Variants in CORIN observed in about 807,000 individuals in gnomAD.
CORIN encodes the protein atrial natriuretic peptide-converting enzyme.
In CORIN, 117 loss-of-function variants were observed where a neutral mutation model predicts 125.3. That is an observed-to-expected ratio of 0.93 (90% CI 0.80 to 1.09). CORIN has a LOEUF of 1.09. Ranked by LOEUF, CORIN falls within the 50% of genes least tolerant of loss-of-function variation. CORIN has a pLI of 0.00. For synonymous variants in CORIN, 450 were observed against 466.4 expected (o/e 0.96, Z 0.45); for missense variants, 1,253 against 1,306.7 (o/e 0.96, Z 0.63).
chr4:47,667,161 C>T (rs1201084047), intron 10 of CORIN, among the ~76,000 whole-genome samples: 1 of 152,212 alleles, frequency 6.6e-6, no homozygotes, highest in African/African-American at 2.4e-5. Context: ...TCATTCTTCT[C>T]TTGTCTGCCA....
intron 6 of CORIN, among the ~76,000 whole-genome samples, chr4:47,684,904 G>C (rs973500403): frequency 2.7e-5 from 4 of 149,554 alleles, no homozygotes; most frequent in African/African-American, 9.7e-5. Context: ...AAGGCAGCGG[G>C]AGGTGAGAGG....
chr4:47,752,121 G>A (rs538053111), intron 4 of CORIN, among the ~76,000 whole-genome samples: 6 of 152,116 alleles, frequency 3.9e-5, no homozygotes, highest in African/African-American at 9.6e-5. Context: ...TGTAAGCTTC[G>A]CAGTGAGTTT....
At chr4:47,837,831 G>A in intron 1 of CORIN, 56 bp downstream of exon 1, 2 of 1,473,386 alleles carry the variant, frequency 1.4e-6, no homozygotes, top group South Asian at 2.3e-5. Flanking sequence ...TGAATTCACC[G>A]GGACTAAGAG....
At chr4:47,705,841 G>A (rs1726525676) in intron 5 of CORIN, among the ~76,000 whole-genome samples, 3 of 149,884 alleles carry the variant, frequency 2.0e-5, no homozygotes, top group African/African-American at 7.6e-5. Flanking sequence ...TATTTGTGAA[G>A]TGCCCCCCGT....
chr4:47,693,115 A>T, intron 5 of CORIN, 32 bp from the exon 6 acceptor site: 1 of 1,367,354 alleles, frequency 7.3e-7, no homozygotes, highest in Non-Finnish European at 1.0e-6. Context: ...TAATGTCAGA[A>T]TAAGATGGGT....
At chr4:47,672,756 G>A (rs1453421985) in intron 10 of CORIN, among the ~76,000 whole-genome samples, 1 of 152,066 alleles carries the variant, frequency 6.6e-6, no homozygotes, top group African/African-American at 2.4e-5. Flanking sequence ...TGTTGACTTT[G>A]TGGCTTGACT....
At chr4:47,809,185 A>G (rs1378260794) in intron 1 of CORIN, among the ~76,000 whole-genome samples, 1 of 152,198 alleles carries the variant, frequency 6.6e-6, no homozygotes, top group East Asian at 1.9e-4. Context: ...AGGTGATCAC[A>G]GAAGCATTAT....
intron 5 of CORIN, among the ~76,000 whole-genome samples, chr4:47,702,270 C>A (rs1726332020): frequency 6.6e-6 from 1 of 151,826 alleles, no homozygotes; most frequent in African/African-American, 2.4e-5. Flanking sequence ...AAATTTTAAA[C>A]AAATACAGGA....
At chr4:47,780,195 T>C (rs142581878) in intron 3 of CORIN, among the ~76,000 whole-genome samples, 2 of 151,680 alleles carry the variant, frequency 1.3e-5, no homozygotes, top group African/African-American at 4.8e-5. Flanking sequence ...ATAAAAACAA[T>C]GACCCAAATC....
chr4:47,709,271 C>CTTTA lies in CORIN; in HGVS notation c.800-16192_800-16189dup, dbSNP rs71199994. On this transcript the variant is annotated intron_variant, in intron 5 of 21. Transcript: ENST00000273857. ...AGGGCTGGCTACATAATTTGCAGTA[C>CTTTA]TTTATTTATTTATTTATTTATTTAT... is the stretch of plus-strand genomic sequence containing the variant. Among the ~76,000 whole-genome samples the CTTTA allele has an allele frequency of 2.0e-3, 292 of 148,458 alleles. 1 individual carries two copies. The highest frequency in any genetic ancestry group is 2.7e-3 in the Admixed American group (41 of 14,946).
chr4:47,642,136 G>T, intron 15 of CORIN, 87 bp from the exon 16 acceptor site: 1 of 1,361,190 alleles, frequency 7.3e-7, no homozygotes. Context: ...TGCTTCATTG[G>T]CATACATTCA....
chr4:47,688,675 T>G (rs906886613), intron 6 of CORIN, among the ~76,000 whole-genome samples: 3 of 152,194 alleles, frequency 2.0e-5, no homozygotes, highest in Admixed American at 1.3e-4. Context: ...ATTAAAAGAC[T>G]CATAAAGAAA....
chr4:47,765,338 A>C (rs551645054), intron 3 of CORIN, among the ~76,000 whole-genome samples: 1 of 151,620 alleles, frequency 6.6e-6, no homozygotes, highest in Admixed American at 6.6e-5. Flanking sequence ...GAATCCTAGG[A>C]ATTTTCCCAT....
intron 5 of CORIN, among the ~76,000 whole-genome samples, chr4:47,713,789 G>T (rs1044347982): frequency 1.6e-4 from 24 of 150,676 alleles, no homozygotes; most frequent in African/African-American, 5.4e-4. Context: ...AATTTTTAAT[G>T]TTTTTTTTTA....
chr4:47,738,987 T>C (rs999098556), intron 5 of CORIN, among the ~76,000 whole-genome samples: 8 of 151,526 alleles, frequency 5.3e-5, no homozygotes, highest in African/African-American at 1.7e-4. Context: ...ATCCGCAAAC[T>C]TTAAGATAAG....
At chr4:47,762,335 AG>A (rs1275177613) in intron 4 of CORIN, among the ~76,000 whole-genome samples, 2 of 152,242 alleles carry the variant, frequency 1.3e-5, no homozygotes, top group African/African-American at 4.8e-5. Flanking sequence ...TCAAACACAC[AG>A]AAAAAATGCA....
At chr4:47,689,756 C>T (rs1358896343) in intron 6 of CORIN, among the ~76,000 whole-genome samples, 2 of 152,108 alleles carry the variant, frequency 1.3e-5, no homozygotes. Flanking sequence ...CCTTCTAGCC[C>T]GGTGCTTCCA....
intron 5 of CORIN, among the ~76,000 whole-genome samples, chr4:47,714,219 T>C (rs1310693826): frequency 6.6e-6 from 1 of 152,228 alleles, no homozygotes; most frequent in Non-Finnish European, 1.5e-5. Context: ...AGAGCTTACG[T>C]AGACAAACTT....
intron 19 of CORIN, among the ~76,000 whole-genome samples, chr4:47,609,907 A>C (rs1369632440): frequency 6.6e-6 from 1 of 152,218 alleles, no homozygotes; most frequent in Non-Finnish European, 1.5e-5. Context: ...TTCCAGCTTC[A>C]TCCATGTCCC....
Sources: gnomAD v4.1 joint callset for allele counts (sites outside exome capture counted in the v4.1 genomes callset) on GRCh38, gnomAD v4.1.1 for gene constraint, MANE v1.5 for transcripts, NCBI Gene and HGNC (gene_info 2026-07-23, HGNC 2026-07-21) for gene names.